Variants in EXOC6B observed in about 807,000 individuals in gnomAD.
The protein encoded by EXOC6B is SEC15 homolog B.
EXOC6B carries 54 observed loss-of-function variants against 113.5 expected under a neutral mutation model. The ratio of observed to expected loss-of-function variants is 0.48; its 90% CI spans 0.38 to 0.60. EXOC6B has a LOEUF of 0.60. EXOC6B is among the 20% of genes least tolerant of loss of function. The pLI is 0.00. For synonymous variants in EXOC6B, 357 were observed against 339.0 expected (o/e 1.05, Z -0.58); for missense variants, 797 against 977.5 (o/e 0.82, Z 2.46).
chr2:72,322,200 A>G (rs1249940290), intron 20 of EXOC6B, among the ~76,000 whole-genome samples: 1 of 152,196 alleles, frequency 6.6e-6, no homozygotes, highest in Non-Finnish European at 1.5e-5. Flanking sequence ...GTGAATGGAT[A>G]ATTATGATAT....
Position 72,283,638 on chromosome 2 carries a change from A to C in EXOC6B, c.2196+51309T>G, listed in dbSNP as rs535165564. Among the ~76,000 whole-genome samples, 24 of 152,216 alleles carry C rather than the reference A, an allele frequency of 1.6e-4. No homozygotes were observed. The South Asian group carries it at 4.8e-3, about 30-fold the overall frequency. The stretch of plus-strand genomic sequence containing the variant: ...CCAGATTCTCACAGTAAATATCAGA[A>C]AAAAAATTCTTCTGAGTCTCAGCAG... On this transcript the variant is annotated intron_variant, in intron 20 of 21. Transcript: ENST00000272427.
At chr2:72,489,216 A>G (rs1174716543) in intron 16 of EXOC6B, among the ~76,000 whole-genome samples, 1 of 152,186 alleles carries the variant, frequency 6.6e-6, no homozygotes, top group East Asian at 1.9e-4. Flanking sequence ...ACCATACTAC[A>G]AAATTGACTT....
At position 72,825,976 on chromosome 2, in the gene EXOC6B, T is replaced by C. The variant is rs1686887145; in HGVS notation, c.-66A>G. On this transcript the variant is annotated 5_prime_UTR_variant, in exon 1 of 22. Transcript: ENST00000272427. The surrounding 1 kb of genome is among the most constrained non-coding windows in gnomAD (Gnocchi z 4.4). The stretch of plus-strand genomic sequence containing the variant: ...GGCTCACCTTTTCCCTGCCCCACAA[T>C]GCCGCTCCCACCACAGGCTCCACAG... 6.3e-7 allele frequency: 1 copy of C among 1,577,280 alleles called. No homozygotes were observed. Among genetic ancestry groups the C allele is most frequent in the Non-Finnish European group, 8.6e-7 (1 of 1,164,964 alleles).
chr2:72,465,250 C>T lies in EXOC6B; in HGVS notation c.1890G>A (p.Met630Ile). 6.2e-7 allele frequency: 1 copy of T among 1,610,916 alleles called. No individual in the cohort carries two copies. Among genetic ancestry groups the T allele is most frequent in the Non-Finnish European group, 8.5e-7 (1 of 1,178,544 alleles). ...TAGCTTTGTTGCCCAAATCTCCGGT[C>T]ATCCAGTCATAGTCTGCCAGCTGTA... ...QFLQLADYDW[M>I]TGDLGNKASD... The change falls in exon 18 of 22, where the codon ATG (methionine) becomes ATA (isoleucine). Residue 630 changes from methionine (M) to isoleucine (I), a missense_variant. Physicochemically the swap from Met to Ile is conservative, Grantham distance 10. Coordinates refer to ENST00000272427, the MANE Select transcript of EXOC6B (RefSeq NM_015189.3).
chr2:72,228,578 C>G (rs1559037960), intron 20 of EXOC6B, among the ~76,000 whole-genome samples: 1 of 152,040 alleles, frequency 6.6e-6, no homozygotes, highest in African/African-American at 2.4e-5. Flanking sequence ...ATCCATGTCC[C>G]TACAAAGGAC....
chr2:72,756,828 G>GAAAAGGA (rs1017784503), intron 1 of EXOC6B, among the ~76,000 whole-genome samples: 4 of 152,072 alleles, frequency 2.6e-5, no homozygotes, highest in African/African-American at 7.2e-5. Context: ...AAGGATGAGG[G>GAAAAGGA]AAAGGAAAAG....
At chr2:72,550,065 G>T (rs1356280064) in intron 8 of EXOC6B, among the ~76,000 whole-genome samples, 1 of 152,038 alleles carries the variant, frequency 6.6e-6, no homozygotes, top group Non-Finnish European at 1.5e-5. Context: ...AGAATGTAAA[G>T]GAATGCGAGA....
intron 16 of EXOC6B, among the ~76,000 whole-genome samples, chr2:72,484,888 T>C (rs980820337): frequency 4.6e-5 from 7 of 152,240 alleles, no homozygotes; most frequent in African/African-American, 7.2e-5. Flanking sequence ...CTACTGTAAA[T>C]AGTGCTGCAA....
At chr2:72,394,971 G>C (rs949250993) in intron 18 of EXOC6B, among the ~76,000 whole-genome samples, 2 of 151,972 alleles carry the variant, frequency 1.3e-5, no homozygotes, top group Non-Finnish European at 2.9e-5. Context: ...AGGATGATCT[G>C]TAGAGGTATA....
At chr2:72,698,957 C>T (rs188119346) in intron 6 of EXOC6B, among the ~76,000 whole-genome samples, 44 of 152,258 alleles carry the variant, frequency 2.9e-4, no homozygotes, top group Admixed American at 2.6e-3. Context: ...GACATTGATA[C>T]GGACCTTAAT....
chr2:72,719,407 T>C (rs951882979), intron 5 of EXOC6B, among the ~76,000 whole-genome samples: 1 of 152,116 alleles, frequency 6.6e-6, no homozygotes, highest in Non-Finnish European at 1.5e-5. Flanking sequence ...ATAAAAGACC[T>C]ACAGAAGGGC....
intron 6 of EXOC6B, among the ~76,000 whole-genome samples, chr2:72,709,397 C>T (rs1189784237): frequency 1.3e-5 from 2 of 152,238 alleles, no homozygotes; most frequent in African/African-American, 2.4e-5. Flanking sequence ...GGTTGGAGGG[C>T]ACATCGCAGG....
At chr2:72,325,621 A>C (rs1197500837) in intron 20 of EXOC6B, among the ~76,000 whole-genome samples, 1 of 151,994 alleles carries the variant, frequency 6.6e-6, no homozygotes, top group Admixed American at 6.6e-5. Context: ...GGTGCCTCTC[A>C]TTCATGAGCT....
chr2:72,590,204 C>T (rs1401492417), intron 6 of EXOC6B, among the ~76,000 whole-genome samples: 2 of 151,872 alleles, frequency 1.3e-5, no homozygotes, highest in Non-Finnish European at 2.9e-5. Context: ...TTATCATAGA[C>T]AAAAACTCCA....
At chr2:72,186,974 T>G (rs910562199) in intron 20 of EXOC6B, among the ~76,000 whole-genome samples, 15 of 152,160 alleles carry the variant, frequency 9.9e-5, no homozygotes, top group African/African-American at 3.6e-4. Context: ...GCTGAGCTCA[T>G]GCCTGCCAGG....
At position 72,688,334 on chromosome 2, in the gene EXOC6B, G is replaced by T. The variant is rs572098759; in HGVS notation, c.669+29769C>A. Among the ~76,000 whole-genome samples, 5 of 152,318 alleles carry T rather than the reference G, an allele frequency of 3.3e-5. No homozygotes were observed. In the South Asian group the frequency reaches 8.3e-4, roughly 25 times the overall value. ...AAAGGATAAGTAGAGACATGAGGAAGTGAGACAGGAAAAGAAGTCAATAAA... is the reference window on the plus strand; with the variant it reads ...AAAGGATAAGTAGAGACATGAGGAATTGAGACAGGAAAAGAAGTCAATAAA... On this transcript the variant is annotated intron_variant, in intron 6 of 21. Coordinates refer to ENST00000272427, the MANE Select transcript of EXOC6B (RefSeq NM_015189.3).
intron 5 of EXOC6B, among the ~76,000 whole-genome samples, chr2:72,720,447 T>C (rs1679920250): frequency 6.6e-6 from 1 of 151,520 alleles, no homozygotes; most frequent in Non-Finnish European, 1.5e-5. Flanking sequence ...AGATATGCCA[T>C]AAAAAAAAGA....
chr2:72,681,924 C>T (rs1170431023), intron 6 of EXOC6B, among the ~76,000 whole-genome samples: 1 of 151,860 alleles, frequency 6.6e-6, no homozygotes, highest in Non-Finnish European at 1.5e-5. Context: ...TCCACTAAAT[C>T]CCTTCTCTCC....
At chr2:72,684,481 A>T (rs1001294221) in intron 6 of EXOC6B, among the ~76,000 whole-genome samples, 1 of 152,234 alleles carries the variant, frequency 6.6e-6, no homozygotes, top group African/African-American at 2.4e-5. Context: ...TATTTACCCA[A>T]GAGAAATGAA....
Sources: allele counts gnomAD v4.1 joint callset (sites outside exome capture counted in the v4.1 genomes callset), GRCh38; gene constraint gnomAD v4.1.1; non-coding constraint Gnocchi (gnomAD v3.1); transcripts MANE v1.5; gene names NCBI Gene and HGNC (gene_info 2026-07-23, HGNC 2026-07-21).